FEZ1: variants seen among roughly 807,000 people sequenced by gnomAD.
FEZ1 encodes fasciculation and elongation protein zeta 1.
Under a neutral mutation model 49.3 loss-of-function variants are expected in FEZ1, and 20 were observed. The observed-to-expected ratio is 0.41, with a 90% CI of 0.29 to 0.59. The LOEUF (loss-of-function observed/expected upper bound fraction) is 0.59. Ranked by LOEUF, FEZ1 falls within the 20% of genes least tolerant of loss-of-function variation. FEZ1 has a pLI of 0.36. For missense variants in FEZ1, 413 were observed against 476.0 expected (o/e 0.87, Z 1.23); for synonymous variants, 170 against 180.9 (o/e 0.94, Z 0.48).
chr11:125,488,725 GA>G (rs1229987464), intron 2 of FEZ1: 1 of 984,628 alleles, frequency 1.0e-6, no homozygotes, highest in East Asian at 1.1e-4. Flanking sequence ...ATCCCCCGAG[GA>G]TAGCGGGGAA....
Position 125,446,118 on chromosome 11 carries a change from CGAG to C in FEZ1, c.1163-10_1163-8del. On this transcript the variant is annotated splice_polypyrimidine_tract_variant and splice_region_variant and intron_variant, in intron 9 of 9. Coordinates refer to ENST00000278919, the MANE Select transcript of FEZ1 (RefSeq NM_005103.5). The stretch of plus-strand genomic sequence containing the variant: ...GGTTAGGTAGGGCAGAGCACTGCAA[CGAG>C]AAGAGAGGAGGGGAGAGCGGTCAGA... The C allele has an allele frequency of 2.5e-6, 4 of 1,613,892 alleles. No individual in the cohort carries two copies. Among genetic ancestry groups the C allele is most frequent in the Non-Finnish European group, 3.4e-6 (4 of 1,179,866 alleles).
At chr11:125,448,913 C>T (rs1178671381) in intron 8 of FEZ1, among the ~76,000 whole-genome samples, 1 of 152,066 alleles carries the variant, frequency 6.6e-6, no homozygotes, top group African/African-American at 2.4e-5. Context: ...TGGCACACGC[C>T]TGTAGTCCAA....
intron 3 of FEZ1, among the ~76,000 whole-genome samples, chr11:125,465,039 C>G (rs750869843): frequency 5.3e-5 from 8 of 152,064 alleles, no homozygotes; most frequent in Non-Finnish European, 8.8e-5. Context: ...ATTAAGAGAA[C>G]GAAGATACAT....
At chr11:125,482,974 TAAAAA>T (rs56169482) in intron 2 of FEZ1, among the ~76,000 whole-genome samples, 3 of 28,740 alleles carry the variant, frequency 1.0e-4, no homozygotes, top group African/African-American at 2.7e-4. Context: ...CAAGACACTG[TAAAAA>T]AAAAAAAAAA....
intron 3 of FEZ1, among the ~76,000 whole-genome samples, chr11:125,465,155 G>A (rs780694360): frequency 6.6e-6 from 1 of 152,170 alleles, no homozygotes; most frequent in East Asian, 1.9e-4. Flanking sequence ...GGGAAACAGG[G>A]TTATTTTTCA....
At chr11:125,480,546 A>T (rs1015484566) in intron 3 of FEZ1, among the ~76,000 whole-genome samples, 5 of 152,190 alleles carry the variant, frequency 3.3e-5, no homozygotes, top group Admixed American at 1.3e-4. Flanking sequence ...TAATTTTTTT[A>T]AACCATCATT....
chr11:125,470,421 G>T (rs1470240838), intron 3 of FEZ1, among the ~76,000 whole-genome samples: 1 of 152,164 alleles, frequency 6.6e-6, no homozygotes, highest in African/African-American at 2.4e-5. Flanking sequence ...TATGGGCGGG[G>T]AAAAATATTC....
In FEZ1 at chr11:125,445,656, G is replaced by C; in HGVS notation, c.*439C>G. 3.3e-6 allele frequency: 1 copy of C among 305,322 alleles called. No individual in the cohort carries two copies. Among genetic ancestry groups the C allele is most frequent in the Admixed American group, 4.5e-5 (1 of 22,090 alleles). The allele number at this position is 305,322 out of a possible 1,614,324, so 18.9% of individuals were successfully genotyped here. Reference sequence around the variant, plus strand: ...CTAAACACAGCACTGGCTGCCACAGGCCACAGGCCGGCGTGCAAAGAATGC... The same window carrying C: ...CTAAACACAGCACTGGCTGCCACAGCCCACAGGCCGGCGTGCAAAGAATGC... On this transcript the variant is annotated 3_prime_UTR_variant, in exon 10 of 10. Coordinates refer to ENST00000278919, the MANE Select transcript of FEZ1 (RefSeq NM_005103.5). This position sits in a 1 kb window ranked among gnomAD's most constrained non-coding sequence, Gnocchi z 4.4.
rs934216265 is a variant in FEZ1, at chr11:125,489,793, G to A, written c.-16C>T. 1 of 1,519,568 alleles carries A rather than the reference G, an allele frequency of 6.6e-7. No individual in the cohort carries two copies. The highest frequency in any genetic ancestry group is 1.4e-5 in the African/African-American group (1 of 71,698). 94.1% of individuals were successfully genotyped at this position (1,519,568 alleles called of 1,614,324 possible). On this transcript the variant is annotated 5_prime_UTR_variant, in exon 2 of 10. Coordinates refer to ENST00000278919, the MANE Select transcript of FEZ1 (RefSeq NM_005103.5). This position sits in a 1 kb window ranked among gnomAD's most constrained non-coding sequence, Gnocchi z 4.2. Reference sequence around the variant, plus strand: ...GGGCCTCCATTCTTGCTCAGCAGGAGAACAACAGCGACTTTCAGGATGAGT... The same window carrying A: ...GGGCCTCCATTCTTGCTCAGCAGGAAAACAACAGCGACTTTCAGGATGAGT...
chr11:125,481,715 G>A, intron 2 of FEZ1, 82 bp from the exon 3 acceptor site: 2 of 947,788 alleles, frequency 2.1e-6, no homozygotes, highest in Non-Finnish European at 1.7e-6. Context: ...GCCGGGAGAG[G>A]AGAGAGGCTT....
intron 3 of FEZ1, among the ~76,000 whole-genome samples, chr11:125,467,008 AAAAAG>A (rs1957136891): frequency 6.7e-6 from 1 of 150,248 alleles, no homozygotes; most frequent in African/African-American, 2.5e-5. Flanking sequence ...GTAAAAAAAA[AAAAAG>A]AAATTCACAA....
Position 125,443,420 on chromosome 11 carries a change from A to G in FEZ1, c.*2675T>C, listed in dbSNP as rs1348687370. ...AAGGATTCAGCAACTCTGAAAACCT[A>G]GGGCAGAGTTTCTCTAATCCTTGAT... is the stretch of plus-strand genomic sequence containing the variant. On this transcript the variant is annotated 3_prime_UTR_variant, in exon 10 of 10. Transcript: ENST00000278919. Among the ~76,000 whole-genome samples, 1 of 152,238 alleles carries G rather than the reference A, an allele frequency of 6.6e-6. No individual in the cohort carries two copies. The highest frequency in any genetic ancestry group is 1.5e-5 in the Non-Finnish European group (1 of 68,038).
chr11:125,450,536 C>T (rs1318808430), intron 8 of FEZ1, among the ~76,000 whole-genome samples: 3 of 152,126 alleles, frequency 2.0e-5, no homozygotes, highest in Non-Finnish European at 4.4e-5. Context: ...TGGTCTTTGG[C>T]CTATGTACTT....
At chr11:125,460,688 G>C (rs1957066765) in intron 4 of FEZ1, 22 bp from the exon 5 acceptor site, 1 of 1,609,208 alleles carries the variant, frequency 6.2e-7, no homozygotes, top group Non-Finnish European at 8.5e-7. Context: ...ACACGAGAGA[G>C]TGCTAACTCT....
In FEZ1 at chr11:125,493,357, G is replaced by GAA. The variant is rs750591056; in HGVS notation, c.-46+2763_-46+2764insTT. Among the ~76,000 whole-genome samples, 396 of 105,862 alleles carry GAA rather than the reference G, an allele frequency of 3.7e-3. 3 individuals carry two copies. Among genetic ancestry groups the GAA allele is most frequent in the Middle Eastern group, 9.7e-3 (2 of 206 alleles). 69.4% of individuals were successfully genotyped at this position (105,862 alleles called of 152,430 possible). On this transcript the variant is annotated intron_variant, in intron 1 of 9. Coordinates refer to ENST00000278919, the MANE Select transcript of FEZ1 (RefSeq NM_005103.5). ...CTCAAGAAAGAAAGAAAGAAAGAAAGAGAGAAAAGAAAGAAAGAAAGAAAG... is the reference window on the plus strand; with the variant it reads ...CTCAAGAAAGAAAGAAAGAAAGAAAGAAAGAGAAAAGAAAGAAAGAAAGAAAG...
At chr11:125,446,137 A>G (rs771192076) in intron 9 of FEZ1, 26 bp from the exon 10 acceptor site, 7 of 1,613,620 alleles carry the variant, frequency 4.3e-6, no homozygotes, top group Non-Finnish European at 5.9e-6. Flanking sequence ...AGGAGGGGAG[A>G]GCGGTCAGAA....
intron 1 of FEZ1, among the ~76,000 whole-genome samples, chr11:125,491,131 T>G (rs1038859281): frequency 5.9e-5 from 9 of 152,266 alleles, no homozygotes; most frequent in Admixed American, 5.2e-4. Flanking sequence ...TTATCCTGTA[T>G]CCTGTAAGAA....
At chr11:125,471,586 G>A (rs762221391) in intron 3 of FEZ1, among the ~76,000 whole-genome samples, 1 of 152,016 alleles carries the variant, frequency 6.6e-6, no homozygotes, top group African/African-American at 2.4e-5. Context: ...CAACTCATCA[G>A]GGAGATGTAC....
intron 8 of FEZ1, 119 bp from the exon 9 acceptor site, chr11:125,448,686 A>G (rs1015725450): frequency 1.6e-5 from 11 of 705,130 alleles, no homozygotes; most frequent in Non-Finnish European, 2.5e-5. Flanking sequence ...CCAGACATTT[A>G]TTGAGTATTG....
Sources: allele counts gnomAD v4.1 joint callset (sites outside exome capture counted in the v4.1 genomes callset), GRCh38; gene constraint gnomAD v4.1.1; non-coding constraint Gnocchi (gnomAD v3.1); transcripts MANE v1.5; gene names NCBI Gene and HGNC (gene_info 2026-07-23, HGNC 2026-07-21).